NKD2: variants seen among roughly 807,000 people sequenced by gnomAD.
NKD2 encodes protein naked cuticle homolog 2.
NKD2 carries 43 observed loss-of-function variants against 34.8 expected under a neutral mutation model. That is an observed-to-expected ratio of 1.24 (90% CI 0.97 to 1.60). The LOEUF (loss-of-function observed/expected upper bound fraction) is 1.60, where lower values mean the gene tolerates loss of function less well. NKD2 is among the 40% of genes most tolerant of loss of function. NKD2 has a pLI of 0.00. For missense variants in NKD2, 675 were observed against 627.1 expected (o/e 1.08, Z -0.82); for synonymous variants, 278 against 265.1 (o/e 1.05, Z -0.47).
rs149348351 is a variant in NKD2, at chr5:1,033,809, C to T, written c.330+310C>T. Among the ~76,000 whole-genome samples the T allele has an allele frequency of 9.5e-4, 144 of 152,328 alleles. 1 individual carries two copies. Among genetic ancestry groups the T allele is most frequent in the African/African-American group, 3.1e-3 (130 of 41,566 alleles). ...AGGAGTAATGCCAAAGCTGACTTGACGGACAGCCCGACTCTCTGCCCGCTG... is the reference window on the plus strand; with the variant it reads ...AGGAGTAATGCCAAAGCTGACTTGATGGACAGCCCGACTCTCTGCCCGCTG... On this transcript the variant is annotated intron_variant, in intron 5 of 9. Coordinates refer to ENST00000296849, the MANE Select transcript of NKD2 (RefSeq NM_033120.4).
At chr5:1,030,067 AC>A (rs1756586262) in intron 3 of NKD2, among the ~76,000 whole-genome samples, 1 of 145,298 alleles carries the variant, frequency 6.9e-6, no homozygotes, top group Admixed American at 7.0e-5. Flanking sequence ...GGTCCCCTGC[AC>A]CCTCCCCACA....
intron 3 of NKD2, among the ~76,000 whole-genome samples, chr5:1,020,027 T>C (rs1027614514): frequency 4.6e-5 from 7 of 152,252 alleles, no homozygotes; most frequent in Non-Finnish European, 8.8e-5. Context: ...GCGCTCTGGA[T>C]GGTAAGCTGA....
At chr5:1,027,348 G>A (rs1560992503) in intron 3 of NKD2, among the ~76,000 whole-genome samples, 1 of 152,242 alleles carries the variant, frequency 6.6e-6, no homozygotes, top group East Asian at 1.9e-4. Context: ...GTCAGGCGGT[G>A]TAGGAGCTGT....
rs558925743 is a variant in NKD2 at position 1,009,771 on chromosome 5, CTGAGTGGCGGG to C, written c.141+213_141+223del. Among the ~76,000 whole-genome samples, 1,032 of 152,274 alleles carry C rather than the reference CTGAGTGGCGGG, an allele frequency of 6.8e-3. 4 individuals carry two copies. Among genetic ancestry groups the C allele is most frequent in the Non-Finnish European group, 0.01 (707 of 68,010 alleles). Reference sequence around the variant, plus strand: ...GGCGAGCCCTTGCTAGTGTCCCATGCTGAGTGGCGGGTAGGGGAATCGGAATTCCTTGTCCT... The same window carrying C: ...GGCGAGCCCTTGCTAGTGTCCCATGCTAGGGGAATCGGAATTCCTTGTCCT... On this transcript the variant is annotated intron_variant, in intron 3 of 9. Coordinates refer to ENST00000296849, the MANE Select transcript of NKD2 (RefSeq NM_033120.4). This position sits in a 1 kb window ranked among gnomAD's most constrained non-coding sequence, Gnocchi z 6.9.
Position 1,038,519 on chromosome 5 carries a change from C to T in NKD2, c.*146C>T. 6.7e-7 allele frequency: 1 copy of T among 1,492,052 alleles called. No individual in the cohort carries two copies. Among genetic ancestry groups the T allele is most frequent in the Admixed American group, 2.0e-5 (1 of 50,744 alleles). 92.4% of individuals were successfully genotyped at this position (1,492,052 alleles called of 1,614,324 possible). On this transcript the variant is annotated 3_prime_UTR_variant, in exon 10 of 10. Coordinates refer to ENST00000296849, the MANE Select transcript of NKD2 (RefSeq NM_033120.4). This position sits in a 1 kb window ranked among gnomAD's most constrained non-coding sequence, Gnocchi z 4.5. The stretch of plus-strand genomic sequence containing the variant: ...AGCAAACAGCAACTGACTGCAGGTG[C>T]TGGCATGATGGAGGTGGTGCACCTT...
At chr5:1,037,261 C>T (rs115642601) in intron 9 of NKD2, among the ~76,000 whole-genome samples, 7 of 152,260 alleles carry the variant, frequency 4.6e-5, no homozygotes, top group East Asian at 3.9e-4. Context: ...CTCATAACCC[C>T]GGCTTCAGGA....
rs865808983 is a variant in NKD2 at position 1,026,083 on chromosome 5, T to C, written c.142-6069T>C. On this transcript the variant is annotated intron_variant, in intron 3 of 9. Transcript: ENST00000296849. ...GCTCTTCCCACCCGCTGTGGGCGTC[T>C]CAGCCCATTGTCCCTGCTCTTCCCA... Among the ~76,000 whole-genome samples, 129 of 17,550 alleles carry C rather than the reference T, an allele frequency of 7.4e-3. 3 individuals are homozygous for C. Among genetic ancestry groups the C allele is most frequent in the Admixed American group, 0.014 (16 of 1,138 alleles). 11.5% of individuals were successfully genotyped at this position (17,550 alleles called of 152,430 possible).
At chr5:1,027,818 C>G (rs1211736800) in intron 3 of NKD2, among the ~76,000 whole-genome samples, 2 of 152,180 alleles carry the variant, frequency 1.3e-5, no homozygotes, top group African/African-American at 2.4e-5. Flanking sequence ...CCGTGCCCAC[C>G]TGTCCACTGG....
At chr5:1,017,833 G>A (rs1044651377) in intron 3 of NKD2, among the ~76,000 whole-genome samples, 16 of 152,032 alleles carry the variant, frequency 1.1e-4, no homozygotes, top group African/African-American at 3.6e-4. Context: ...TGTGAGAGAT[G>A]CTGGGCTGGA....
intron 3 of NKD2, among the ~76,000 whole-genome samples, chr5:1,020,627 C>T (rs1436614256): frequency 1.3e-5 from 2 of 151,554 alleles, no homozygotes; most frequent in African/African-American, 4.9e-5. Flanking sequence ...AGCTCGGCTG[C>T]CTGGTCAAAA....
intron 3 of NKD2, among the ~76,000 whole-genome samples, chr5:1,026,537 AGCCCATTGTCCCT>A (rs979955720): frequency 3.2e-5 from 2 of 62,708 alleles, no homozygotes; most frequent in African/African-American, 8.3e-5. Flanking sequence ...TGGGTGTCCC[AGCCCATTGTCCCT>A]GCTCTTCCCA....
intron 3 of NKD2, among the ~76,000 whole-genome samples, chr5:1,028,161 G>A (rs914888567): frequency 1.3e-5 from 2 of 152,142 alleles, no homozygotes; most frequent in African/African-American, 2.4e-5. Flanking sequence ...CTGGGAGGAC[G>A]AAGCGCTCAG....
chr5:1,034,419 G>A, intron 6 of NKD2, 89 bp downstream of exon 6: 1 of 1,081,232 alleles, frequency 9.2e-7, no homozygotes, highest in Non-Finnish European at 1.4e-6. Context: ...TCAGGGGGCA[G>A]GAGGGGACCT....
chr5:1,010,095 A>G (rs1207737659), intron 3 of NKD2, among the ~76,000 whole-genome samples: 1 of 152,138 alleles, frequency 6.6e-6, no homozygotes, highest in Non-Finnish European at 1.5e-5. Flanking sequence ...AGACAGAGGG[A>G]CATCTGCACA....
chr5:1,016,847 C>A (rs1208597807), intron 3 of NKD2, among the ~76,000 whole-genome samples: 1 of 152,036 alleles, frequency 6.6e-6, no homozygotes, highest in East Asian at 1.9e-4. Flanking sequence ...ATAACAGAGC[C>A]GACCTCATCC....
intron 3 of NKD2, among the ~76,000 whole-genome samples, chr5:1,012,262 A>G (rs1755781499): frequency 6.6e-6 from 1 of 152,248 alleles, no homozygotes; most frequent in South Asian, 2.1e-4. Context: ...AGTAGTGCTG[A>G]GGAAGGGTGC....
intron 3 of NKD2, among the ~76,000 whole-genome samples, chr5:1,012,973 G>T (rs563573615): frequency 1.3e-5 from 2 of 152,224 alleles, no homozygotes; most frequent in African/African-American, 4.8e-5. Context: ...GATGCAGGGT[G>T]GGGGCAAGAT....
Position 1,009,767 on chromosome 5 carries a change from C to T in NKD2, c.141+207C>T, listed in dbSNP as rs1755677965. Among the ~76,000 whole-genome samples the T allele has an allele frequency of 6.6e-6, 1 of 152,132 alleles. No individual in the cohort carries two copies. The highest frequency in any genetic ancestry group is 2.4e-5 in the African/African-American group (1 of 41,436). On this transcript the variant is annotated intron_variant, in intron 3 of 9. Coordinates refer to ENST00000296849, the MANE Select transcript of NKD2 (RefSeq NM_033120.4). This position sits in a 1 kb window ranked among gnomAD's most constrained non-coding sequence, Gnocchi z 6.9. ...GTGGGGCGAGCCCTTGCTAGTGTCC[C>T]ATGCTGAGTGGCGGGTAGGGGAATC...
Position 1,034,217 on chromosome 5 carries a change from C to A in NKD2, c.331-18C>A, listed in dbSNP as rs773878679. The A allele has an allele frequency of 3.8e-6, 6 of 1,599,308 alleles. No individual in the cohort carries two copies. The African/African-American group carries it at 6.7e-5, about 18-fold the overall frequency. On this transcript the variant is annotated intron_variant, in intron 5 of 9. Transcript: ENST00000296849. ...CGTGGGTAGGAGGCGAGGTCCCGGC[C>A]CCCACGTCCCCCCACAGGCACTCCA...
Sources: allele counts gnomAD v4.1 joint callset (sites outside exome capture counted in the v4.1 genomes callset), GRCh38; gene constraint gnomAD v4.1.1; non-coding constraint Gnocchi (gnomAD v3.1); transcripts MANE v1.5; gene names NCBI Gene and HGNC (gene_info 2026-07-23, HGNC 2026-07-21).